GPC5: variants seen among roughly 807,000 people sequenced by gnomAD.
GPC5 encodes glypican-5.
Under a neutral mutation model 53.9 loss-of-function variants are expected in GPC5, and 47 were observed. The observed-to-expected ratio is 0.87, with a 90% confidence interval of 0.69 to 1.11. The LOEUF (loss-of-function observed/expected upper bound fraction) is 1.11, where lower values mean the gene tolerates loss of function less well. Among genes scored for constraint, GPC5 ranks in the 50% most tolerant of loss-of-function variants. GPC5 has a pLI of 0.00. For synonymous variants in GPC5, 286 were observed against 263.3 expected (o/e 1.09, Z -0.84); for missense variants, 748 against 713.1 (o/e 1.05, Z -0.56).
At chr13:91,852,801 T>C (rs1484717877) in intron 5 of GPC5, among the ~76,000 whole-genome samples, 1 of 152,146 alleles carries the variant, frequency 6.6e-6, no homozygotes, top group Admixed American at 6.5e-5. Context: ...CTGTGGTATA[T>C]GTGATCCATT....
intron 7 of GPC5, among the ~76,000 whole-genome samples, chr13:92,527,112 G>GA (rs1311176373): frequency 7.5e-5 from 3 of 40,176 alleles, no homozygotes; most frequent in African/African-American, 2.7e-4. Flanking sequence ...AAAGAAAAAA[G>GA]AAAGAAAGAA....
chr13:92,574,941 A>G (rs1195279934), intron 7 of GPC5, among the ~76,000 whole-genome samples: 1 of 152,198 alleles, frequency 6.6e-6, no homozygotes, highest in African/African-American at 2.4e-5. Flanking sequence ...CGCTGGAAAG[A>G]GATAGAACTA....
intron 7 of GPC5, among the ~76,000 whole-genome samples, chr13:92,428,910 T>C (rs1876960552): frequency 2.0e-5 from 3 of 152,024 alleles, no homozygotes; most frequent in Admixed American, 1.3e-4. Context: ...ACAATTTCCC[T>C]CCACATGTAA....
At chr13:92,714,552 T>C (rs1888260835) in intron 7 of GPC5, among the ~76,000 whole-genome samples, 1 of 152,218 alleles carries the variant, frequency 6.6e-6, no homozygotes. Context: ...TCTACCTTCA[T>C]TATCCATTTC....
intron 6 of GPC5, among the ~76,000 whole-genome samples, chr13:91,962,154 C>A (rs2040132138): frequency 6.6e-6 from 1 of 151,944 alleles, no homozygotes; most frequent in East Asian, 1.9e-4. Context: ...GGCAATTTTC[C>A]TAAGAGTGTT....
At chr13:92,278,861 C>A (rs1377635436) in intron 7 of GPC5, among the ~76,000 whole-genome samples, 1 of 152,040 alleles carries the variant, frequency 6.6e-6, no homozygotes, top group Non-Finnish European at 1.5e-5. Context: ...TATTTCTGGA[C>A]TCTCAATTCT....
chr13:92,724,864 T>G (rs1477024439), intron 7 of GPC5, among the ~76,000 whole-genome samples: 3 of 120,260 alleles, frequency 2.5e-5, no homozygotes, highest in Admixed American at 8.9e-5. Context: ...ATTTGTTAAG[T>G]GTCCTACACA....
Position 91,892,970 on chromosome 13 carries a change from T to G in GPC5, c.1281-14967T>G, listed in dbSNP as rs182033651. 3.5e-3 allele frequency among the ~76,000 whole-genome samples: 537 copies of G among 152,108 alleles called. 4 individuals carry two copies. Among genetic ancestry groups the G allele is most frequent in the African/African-American group, 0.012 (515 of 41,562 alleles). ...GATATTAGATAAAATGAGTCATCAT[T>G]TGAAGTTTTTTCTCTGTTAACCATT... On this transcript the variant is annotated intron_variant, in intron 5 of 7. Coordinates refer to ENST00000377067, the MANE Select transcript of GPC5 (RefSeq NM_004466.6).
intron 7 of GPC5, among the ~76,000 whole-genome samples, chr13:92,421,691 T>C (rs1433816731): frequency 4.6e-5 from 3 of 65,206 alleles, no homozygotes; most frequent in African/African-American, 9.1e-5. Context: ...AGAGCAAGAC[T>C]CCGTCTCAAA....
intron 6 of GPC5, among the ~76,000 whole-genome samples, chr13:92,016,563 C>A (rs1040769882): frequency 7.2e-5 from 11 of 152,058 alleles, no homozygotes; most frequent in African/African-American, 2.4e-4. Context: ...TATTTATGCA[C>A]CTTTCTGTGC....
At chr13:92,776,839 T>A (rs1875827403) in intron 7 of GPC5, among the ~76,000 whole-genome samples, 1 of 151,696 alleles carries the variant, frequency 6.6e-6, no homozygotes, top group Admixed American at 6.6e-5. Context: ...GTACTCACCA[T>A]CCTTTAATAG....
At chr13:91,449,426 C>T (rs1881032035) in intron 2 of GPC5, among the ~76,000 whole-genome samples, 1 of 151,940 alleles carries the variant, frequency 6.6e-6, no homozygotes, top group South Asian at 2.1e-4. Flanking sequence ...ATACATGTGC[C>T]ATGGTGGTTT....
rs1403710742 is a variant in GPC5, at chr13:92,691,101, C to G, written c.1562-175181C>G. On this transcript the variant is annotated intron_variant, in intron 7 of 7. Transcript: ENST00000377067. ...GAGCTGTGGTGGGCTCCACCCAGTT[C>G]GAGCTTCCAGGCTGCTTTGTTTACC... Among the ~76,000 whole-genome samples, 537 of 82,992 alleles carry G rather than the reference C, an allele frequency of 6.5e-3. 2 individuals are homozygous for G. The highest frequency in any genetic ancestry group is 0.016 in the South Asian group (27 of 1,662). The allele number at this position is 82,992 out of a possible 152,430, so 54.4% of individuals were successfully genotyped here.
chr13:92,858,802 T>C (rs1313441051), intron 7 of GPC5, among the ~76,000 whole-genome samples: 3 of 152,188 alleles, frequency 2.0e-5, no homozygotes, highest in East Asian at 3.9e-4. Context: ...CCCATGAAAC[T>C]AAGATAAAAA....
rs1259775386 is a variant in GPC5, at chr13:92,465,763, T to G, written c.1561+320774T>G. On this transcript the variant is annotated intron_variant, in intron 7 of 7. Transcript: ENST00000377067. ...AATCAGAGTTCCATACTGACAGCAG[T>G]GCAGGTTTTTATAAGAAAACATTAG... Among the ~76,000 whole-genome samples, 6 of 152,062 alleles carry G rather than the reference T, an allele frequency of 3.9e-5. No individual in the cohort carries two copies. The South Asian group carries it at 1.0e-3, about 26-fold the overall frequency.
Position 92,134,642 on chromosome 13 carries a change from C to T in GPC5, c.1402-10188C>T, listed in dbSNP as rs538660601. On this transcript the variant is annotated intron_variant, in intron 6 of 7. Coordinates refer to ENST00000377067, the MANE Select transcript of GPC5 (RefSeq NM_004466.6). ...GCTTAGAATGCCCCTGGATTTCAGT[C>T]ATAGAAATTCACTTGTACCTGGGTC... Among the ~76,000 whole-genome samples, 13 of 152,200 alleles carry T rather than the reference C, an allele frequency of 8.5e-5. No individual in the cohort carries two copies. The South Asian group carries it at 2.7e-3, about 32-fold the overall frequency.
intron 2 of GPC5, among the ~76,000 whole-genome samples, chr13:91,615,037 C>G (rs2033657548): frequency 6.6e-6 from 1 of 152,002 alleles, no homozygotes; most frequent in South Asian, 2.1e-4. Flanking sequence ...TCTAGATGTC[C>G]TTCCATTAAT....
intron 6 of GPC5, among the ~76,000 whole-genome samples, chr13:92,084,252 G>A (rs1286543952): frequency 4.6e-5 from 7 of 152,110 alleles, no homozygotes; most frequent in East Asian, 1.9e-4. Context: ...AAACCTGCAC[G>A]TCCTGCACAT....
chr13:92,558,618 G>T (rs920376491), intron 7 of GPC5, among the ~76,000 whole-genome samples: 3 of 151,872 alleles, frequency 2.0e-5, no homozygotes, highest in Non-Finnish European at 4.4e-5. Context: ...TCAGAATATC[G>T]CTGGGGTAAG....
Sources: gnomAD v4.1 joint callset for allele counts (sites outside exome capture counted in the v4.1 genomes callset) on GRCh38, gnomAD v4.1.1 for gene constraint, MANE v1.5 for transcripts, NCBI Gene and HGNC (gene_info 2026-07-23, HGNC 2026-07-21) for gene names.